C6orf118: variants seen among roughly 807,000 people sequenced by gnomAD.
C6orf118 encodes uncharacterized protein C6orf118.
In C6orf118, 50 loss-of-function variants were observed where a neutral mutation model predicts 50.2. The observed-to-expected ratio is 1.00, with a 90% CI of 0.79 to 1.26. The LOEUF (loss-of-function observed/expected upper bound fraction) is 1.26. C6orf118 is among the 50% of genes most tolerant of loss of function. C6orf118 has a pLI of 0.00. For synonymous variants in C6orf118, 239 were observed against 230.9 expected (o/e 1.03, Z -0.32); for missense variants, 641 against 578.7 (o/e 1.11, Z -1.10).
intron 5 of C6orf118, among the ~76,000 whole-genome samples, chr6:165,295,641 G>T (rs1242997801): frequency 1.7e-5 from 2 of 117,278 alleles, no homozygotes; most frequent in Admixed American, 8.0e-5. Flanking sequence ...TTTTATTATT[G>T]ATTTATTGTT....
At chr6:165,280,170 A>G in intron 8 of C6orf118, 60 bp from the exon 9 acceptor site, 1 of 1,202,888 alleles carries the variant, frequency 8.3e-7, no homozygotes, top group East Asian at 2.5e-5. Context: ...AGCATGAAAT[A>G]AAATTTCAAA....
In C6orf118 at chr6:165,301,811, ATCCAGGAGGGCCCCG is replaced by A. The variant is rs752003382; in HGVS notation, c.496_510del (p.Arg166_Gly170del). On this transcript the variant is annotated inframe_deletion, in exon 2 of 9. Coordinates refer to ENST00000230301, the MANE Select transcript of C6orf118 (RefSeq NM_144980.4). Reference sequence around the variant, plus strand: ...AGCCGGAGTTCTTCCCTCCTGCGCCATCCAGGAGGGCCCCGTCCAGGAGGGCCTCCTTTCTTTTCT... The same window carrying A: ...AGCCGGAGTTCTTCCCTCCTGCGCCATCCAGGAGGGCCTCCTTTCTTTTCT... 1.7e-5 allele frequency: 27 copies of A among 1,613,750 alleles called. No homozygotes were observed. The highest frequency in any genetic ancestry group is 4.0e-5 in the African/African-American group (3 of 74,858).
chr6:165,283,458 C>T (rs780812996), intron 7 of C6orf118, among the ~76,000 whole-genome samples: 75 of 152,320 alleles, frequency 4.9e-4, no homozygotes, highest in Non-Finnish European at 4.6e-4. Flanking sequence ...CTCCCCCAAG[C>T]GCAGTGCACC....
At chr6:165,306,470 A>G (rs1780732132) in intron 1 of C6orf118, among the ~76,000 whole-genome samples, 1 of 119,236 alleles carries the variant, frequency 8.4e-6, no homozygotes, top group South Asian at 2.9e-4. Flanking sequence ...AACTTAGAGT[A>G]TAATAAAAAA....
chr6:165,296,245 TTTTTG>T (rs534145304), intron 5 of C6orf118, among the ~76,000 whole-genome samples: 3 of 104,906 alleles, frequency 2.9e-5, no homozygotes, highest in Non-Finnish European at 3.7e-5. Context: ...TTGTTTTCGT[TTTTTG>T]TTTTTTTTTT....
intron 2 of C6orf118, 26 bp from the exon 3 acceptor site, chr6:165,300,512 T>A: frequency 6.3e-7 from 1 of 1,592,190 alleles, no homozygotes; most frequent in Non-Finnish European, 8.5e-7. Context: ...AGTCAGCCCA[T>A]TTCAGGGTGG....
chr6:165,299,107 T>A (rs1780419436), intron 4 of C6orf118, among the ~76,000 whole-genome samples: 1 of 152,194 alleles, frequency 6.6e-6, no homozygotes, highest in Admixed American at 6.5e-5. Flanking sequence ...ACACCAGCCA[T>A]CACAATGCAT....
intron 7 of C6orf118, among the ~76,000 whole-genome samples, chr6:165,285,649 T>C (rs2128157340): frequency 6.6e-6 from 1 of 152,132 alleles, no homozygotes. Context: ...CACAACTACA[T>C]GGAAATTGAT....
intron 6 of C6orf118, among the ~76,000 whole-genome samples, chr6:165,293,041 ATACT>A (rs1780160047): frequency 6.6e-6 from 1 of 152,206 alleles, no homozygotes; most frequent in African/African-American, 2.4e-5. Context: ...AATGAGCAAG[ATACT>A]TAAACTTATT....
chr6:165,281,488 T>A, intron 8 of C6orf118, 152 bp downstream of exon 8: 3 of 1,394,314 alleles, frequency 2.2e-6, no homozygotes, highest in Non-Finnish European at 2.8e-6. Context: ...TACTCCTGCC[T>A]CTCTTCACTG....
intron 7 of C6orf118, among the ~76,000 whole-genome samples, chr6:165,285,348 T>C (rs1255623147): frequency 6.6e-6 from 1 of 152,132 alleles, no homozygotes; most frequent in Non-Finnish European, 1.5e-5. Flanking sequence ...TCTCTAATAA[T>C]AGTGGGAGAC....
intron 7 of C6orf118, among the ~76,000 whole-genome samples, chr6:165,288,611 G>T (rs1779997491): frequency 6.6e-6 from 1 of 152,040 alleles, no homozygotes. Context: ...GCCATAAAAA[G>T]GAATGAGAGC....
intron 7 of C6orf118, among the ~76,000 whole-genome samples, chr6:165,283,619 C>T (rs935509472): frequency 1.3e-5 from 2 of 152,268 alleles, no homozygotes; most frequent in South Asian, 2.1e-4. Context: ...AGGAAGGAGT[C>T]GGCAGCAATC....
At chr6:165,293,966 G>T (rs183135744) in intron 5 of C6orf118, among the ~76,000 whole-genome samples, 26 of 152,184 alleles carry the variant, frequency 1.7e-4, no homozygotes, top group African/African-American at 4.8e-4. Flanking sequence ...AATACAAGAG[G>T]CCGGGCATGG....
chr6:165,297,759 T>C (rs1780361197), intron 5 of C6orf118, among the ~76,000 whole-genome samples: 2 of 152,206 alleles, frequency 1.3e-5, no homozygotes, highest in African/African-American at 4.8e-5. Flanking sequence ...TTGAGAAACC[T>C]GCCCAAACTC....
chr6:165,298,537 T>C (rs1780398003), intron 4 of C6orf118, among the ~76,000 whole-genome samples: 1 of 152,138 alleles, frequency 6.6e-6, no homozygotes, highest in Non-Finnish European at 1.5e-5. Flanking sequence ...CTCTGCTTCT[T>C]AGGGGATGGG....
intron 3 of C6orf118, among the ~76,000 whole-genome samples, chr6:165,299,932 C>A (rs1780455172): frequency 6.6e-6 from 1 of 152,144 alleles, no homozygotes; most frequent in African/African-American, 2.4e-5. Context: ...GATCTGCCTG[C>A]ATCAGCCTCT....
At chr6:165,298,296 T>G (rs986550730) in intron 4 of C6orf118, among the ~76,000 whole-genome samples, 195 bp from the exon 5 acceptor site, 8 of 152,334 alleles carry the variant, frequency 5.3e-5, no homozygotes, top group Admixed American at 3.3e-4. Context: ...AAGTTCCCGG[T>G]AAAATACCTT....
intron 7 of C6orf118, among the ~76,000 whole-genome samples, chr6:165,289,653 T>G (rs1175569973): frequency 6.6e-6 from 1 of 152,176 alleles, no homozygotes; most frequent in Non-Finnish European, 1.5e-5. Context: ...AAAAATTAGG[T>G]TTTGGCTATT....
Sources: gnomAD v4.1 joint callset for allele counts (sites outside exome capture counted in the v4.1 genomes callset) on GRCh38, gnomAD v4.1.1 for gene constraint, MANE v1.5 for transcripts, NCBI Gene and HGNC (gene_info 2026-07-23, HGNC 2026-07-21) for gene names.